ZNF618: variants seen among roughly 807,000 people sequenced by gnomAD.
ZNF618 encodes the protein zinc finger protein 618, also known as neural precursor cell expressed, developmentally down-regulated 10.
A neutral mutation model predicts 103.0 loss-of-function variants in ZNF618; 34 were observed. The observed-to-expected ratio is 0.33, with a 90% CI of 0.25 to 0.44. The LOEUF is 0.44. Among genes scored for constraint, ZNF618 ranks in the 20% least tolerant of loss-of-function variants. ZNF618 has a pLI of 1.00. For missense variants in ZNF618, 1,059 were observed against 1,295.4 expected, an observed-to-expected ratio of 0.82 and a Z score of 2.80; for synonymous variants, 551 against 542.2, an observed-to-expected ratio of 1.02 and a Z score of -0.23.
intron 1 of ZNF618, among the ~76,000 whole-genome samples, chr9:113,886,787 C>T (rs1056920335): frequency 6.6e-6 from 1 of 151,730 alleles, no homozygotes; most frequent in Admixed American, 6.6e-5. Flanking sequence ...CCACTAGCTG[C>T]ATGTAGCTAG....
At chr9:113,882,666 G>A (rs1200021832) in intron 1 of ZNF618, among the ~76,000 whole-genome samples, 1 of 152,154 alleles carries the variant, frequency 6.6e-6, no homozygotes, top group Non-Finnish European at 1.5e-5. Context: ...TTTCATTCCG[G>A]GGCTGCTCTA....
intron 1 of ZNF618, among the ~76,000 whole-genome samples, chr9:113,889,035 A>G (rs1351508674): frequency 6.6e-6 from 1 of 151,866 alleles, no homozygotes; most frequent in Non-Finnish European, 1.5e-5. Context: ...ACCCACATAC[A>G]CTCACCTCAC....
At chr9:113,970,046 A>G (rs903618283) in intron 2 of ZNF618, among the ~76,000 whole-genome samples, 31 of 152,126 alleles carry the variant, frequency 2.0e-4, no homozygotes, top group Non-Finnish European at 2.6e-4. Context: ...TTGTGTGAGG[A>G]AAAAAAGGTT....
intron 13 of ZNF618, among the ~76,000 whole-genome samples, chr9:114,044,899 G>A (rs893051138): frequency 3.3e-5 from 5 of 151,894 alleles, no homozygotes; most frequent in African/African-American, 1.2e-4. Context: ...TTGATGTATA[G>A]CAGTGCTACT....
intron 1 of ZNF618, among the ~76,000 whole-genome samples, chr9:113,920,035 G>C (rs934927473): frequency 6.6e-6 from 1 of 152,198 alleles, no homozygotes; most frequent in Non-Finnish European, 1.5e-5. Context: ...AACCTGGGGA[G>C]CACCAGGGCC....
chr9:113,940,828 TG>T (rs1834480179), intron 1 of ZNF618, among the ~76,000 whole-genome samples: 1 of 152,200 alleles, frequency 6.6e-6, no homozygotes, highest in African/African-American at 2.4e-5. Context: ...TGACTCTTTT[TG>T]TTTTAGCTCC....
At chr9:114,035,256 G>C in intron 12 of ZNF618, 2 of 986,038 alleles carry the variant, frequency 2.0e-6, no homozygotes, top group Non-Finnish European at 2.4e-6. Flanking sequence ...GTCCCGTTGG[G>C]GGGCTGGAGA....
chr9:114,040,827 A>C (rs1297902641), intron 13 of ZNF618, among the ~76,000 whole-genome samples: 1 of 152,162 alleles, frequency 6.6e-6, no homozygotes, highest in Non-Finnish European at 1.5e-5. Flanking sequence ...ATGATTTATA[A>C]TCCTTTGGGT....
At chr9:113,925,456 T>TC (rs1833005931) in intron 1 of ZNF618, among the ~76,000 whole-genome samples, 2 of 151,564 alleles carry the variant, frequency 1.3e-5, no homozygotes, top group Admixed American at 6.6e-5. Flanking sequence ...TTTTTTTTTT[T>TC]CAATCCTTTC....
intron 10 of ZNF618, among the ~76,000 whole-genome samples, chr9:114,024,754 G>GT (rs1453039593): frequency 1.8e-4 from 27 of 150,668 alleles, no homozygotes; most frequent in Admixed American, 4.0e-4. Context: ...CCCATTAGCT[G>GT]TTTTTTTGCT....
At chr9:113,904,950 A>T (rs867468279) in intron 1 of ZNF618, among the ~76,000 whole-genome samples, 17 of 152,244 alleles carry the variant, frequency 1.1e-4, no homozygotes, top group Admixed American at 6.5e-5. Context: ...GCTTAATTGC[A>T]TCTGCTTGTA....
chr9:114,038,513 G>T (rs1356625542), intron 13 of ZNF618, among the ~76,000 whole-genome samples: 3 of 152,238 alleles, frequency 2.0e-5, no homozygotes, highest in Admixed American at 6.5e-5. Flanking sequence ...TAAGCATCAT[G>T]AGCTGCGCAG....
intron 12 of ZNF618, among the ~76,000 whole-genome samples, chr9:114,034,909 C>T (rs1237034148): frequency 2.0e-5 from 3 of 152,196 alleles, no homozygotes; most frequent in African/African-American, 4.8e-5. Context: ...CTCATGTGTC[C>T]TCACTCTTTC....
At chr9:114,016,173 G>A (rs372917090) in intron 9 of ZNF618, 10 of 1,613,496 alleles carry the variant, frequency 6.2e-6, no homozygotes, top group Non-Finnish European at 6.8e-6. Context: ...CAAAAGAGAG[G>A]TAAAGATAAA....
chr9:113,965,402 G>A (rs1191778146), intron 1 of ZNF618, among the ~76,000 whole-genome samples: 2 of 152,008 alleles, frequency 1.3e-5, no homozygotes, highest in African/African-American at 4.8e-5. Context: ...GAGGAGGGTC[G>A]AATGAAACCA....
chr9:114,049,745 C>T lies in ZNF618; in HGVS notation c.2443C>T (p.Arg815Trp), dbSNP rs377161371. ...GATCCTGGACCCGCAGCAGAAGCTGCGGCCTGTGCCACCCTACCAGCACGA... is the reference window on the plus strand; with the variant it reads ...GATCCTGGACCCGCAGCAGAAGCTGTGGCCTGTGCCACCCTACCAGCACGA... Reference protein sequence around the residue: ...AMILDPQQKLRPVPPYQHEEI... With the variant: ...AMILDPQQKLWPVPPYQHEEI... Residue 815 changes from arginine to tryptophan, a missense_variant, in exon 15 of 15, where the codon CGG becomes TGG. Arg to Trp is a moderately radical substitution (Grantham distance 101). Around this residue, in one of 6 missense-constraint regions of ZNF618, gnomAD observed 156 missense variants for 197.1 expected, o/e 0.79. Coordinates refer to ENST00000374126, the MANE Select transcript of ZNF618 (RefSeq NM_001318042.2). The T allele has an allele frequency of 1.9e-5, 31 of 1,613,774 alleles. No homozygotes were observed. Among genetic ancestry groups the T allele is most frequent in the South Asian group, 5.5e-5 (5 of 91,094 alleles).
chr9:114,039,821 A>G (rs866214619), intron 13 of ZNF618, among the ~76,000 whole-genome samples: 1 of 152,242 alleles, frequency 6.6e-6, no homozygotes. Context: ...ACAACAGCAG[A>G]TGCCTCTTTT....
At chr9:114,015,907 G>T (rs1471619033) in intron 9 of ZNF618, among the ~76,000 whole-genome samples, 1 of 152,202 alleles carries the variant, frequency 6.6e-6, no homozygotes, top group Non-Finnish European at 1.5e-5. Context: ...ATCAGGACTG[G>T]CTAATTCAGG....
chr9:113,920,313 G>A (rs537950226), intron 1 of ZNF618, among the ~76,000 whole-genome samples: 1 of 152,254 alleles, frequency 6.6e-6, no homozygotes, highest in Admixed American at 6.5e-5. Context: ...GGAGCCTGCG[G>A]GGTGCAGTCC....
Sources: gnomAD v4.1 joint callset for allele counts (sites outside exome capture counted in the v4.1 genomes callset) on GRCh38, gnomAD v4.1.1 for gene constraint, gnomAD v4.1.1 regional missense constraint, MANE v1.5 for transcripts, NCBI Gene and HGNC (gene_info 2026-07-23, HGNC 2026-07-21) for gene names.